The following NPR3 variants were observed in gnomAD, a reference collection of about 807,000 sequenced individuals.
The protein encoded by NPR3 is natriuretic peptide receptor 3.
In NPR3, 34 loss-of-function variants were observed where a neutral mutation model predicts 54.5. The ratio of observed to expected loss-of-function variants is 0.62; its 90% CI spans 0.47 to 0.83. The LOEUF (loss-of-function observed/expected upper bound fraction) is 0.83. Ranked by LOEUF, NPR3 falls within the 40% of genes least tolerant of loss-of-function variation. The probability of loss-of-function intolerance (pLI) is 0.00; values close to 1 mark genes in which losing one functional copy is unlikely to be tolerated. For missense variants in NPR3, 674 were observed against 720.8 expected, an observed-to-expected ratio of 0.94 and a Z score of 0.74; for synonymous variants, 289 against 297.1, an observed-to-expected ratio of 0.97 and a Z score of 0.28.
At chr5:32,729,231 G>A (rs915576448) in intron 2 of NPR3, among the ~76,000 whole-genome samples, 8 of 151,570 alleles carry the variant, frequency 5.3e-5, no homozygotes, top group Non-Finnish European at 7.4e-5. Context: ...GGGTTTCACC[G>A]TTTTAGCCCG....
Position 32,780,765 on chromosome 5 carries a change from T to G in NPR3, c.1239T>G (p.Tyr413Ter). The G allele has an allele frequency of 1.2e-6, 2 of 1,603,392 alleles. No homozygotes were observed. Among genetic ancestry groups the G allele is most frequent in the Non-Finnish European group, 1.7e-6 (2 of 1,170,248 alleles). The change falls in exon 5 of 8, where the codon TAT (tyrosine) becomes TAG (stop). Residue 413 changes from tyrosine to a stop codon, truncating the protein, a stop_gained. Transcript: ENST00000265074. LOFTEE classifies it high-confidence loss of function. ...QVSIDANGDR[Y>*]GDFSVIAMTD... ...CCATAGATGCCAACGGAGACCGATA[T>G]GGGGATTTCTCTGTGATTGCCATGA...
At chr5:32,775,439 C>T (rs139875000) in intron 4 of NPR3, among the ~76,000 whole-genome samples, 14 of 152,028 alleles carry the variant, frequency 9.2e-5, no homozygotes, top group Middle Eastern at 3.4e-3. Flanking sequence ...GGATTACAGG[C>T]GCCTGCCACC....
intron 3 of NPR3, among the ~76,000 whole-genome samples, chr5:32,772,546 T>C (rs1001962565): frequency 2.0e-5 from 3 of 152,208 alleles, no homozygotes; most frequent in African/African-American, 4.8e-5. Flanking sequence ...GAGAACTGTC[T>C]AGGGCACAAA....
intron 7 of NPR3, among the ~76,000 whole-genome samples, chr5:32,785,821 G>A (rs1455109640): frequency 6.6e-6 from 1 of 152,190 alleles, no homozygotes; most frequent in African/African-American, 2.4e-5. Context: ...TTAGAGCAAG[G>A]TTTCTTTATT....
chr5:32,720,854 T>A (rs1319023207), intron 1 of NPR3, among the ~76,000 whole-genome samples: 5 of 152,190 alleles, frequency 3.3e-5, no homozygotes, highest in Non-Finnish European at 5.9e-5. Context: ...TTCTCATACT[T>A]CTTCATATAC....
chr5:32,730,568 G>A (rs1739398204), intron 2 of NPR3, among the ~76,000 whole-genome samples: 2 of 152,154 alleles, frequency 1.3e-5, no homozygotes, highest in South Asian at 4.1e-4. Flanking sequence ...TGTCTATGTA[G>A]AGAATCCCAA....
intron 1 of NPR3, among the ~76,000 whole-genome samples, chr5:32,701,785 T>G: frequency 6.6e-6 from 1 of 152,222 alleles, no homozygotes; most frequent in Non-Finnish European, 1.5e-5. Context: ...ATATAGGTAC[T>G]GCCTTGGTGG....
chr5:32,763,885 C>T (rs557483170), intron 3 of NPR3, among the ~76,000 whole-genome samples: 18 of 152,320 alleles, frequency 1.2e-4, no homozygotes, highest in East Asian at 7.7e-4. Context: ...TACTGACTGA[C>T]GTCCTTGAAC....
At position 32,789,566 on chromosome 5, in the gene NPR3, T is replaced by TCTCCTTTC. The variant is rs771045553; in HGVS notation, c.*3222_*3229dup. 1 of 534,736 alleles carries TCTCCTTTC rather than the reference T, an allele frequency of 1.9e-6. No homozygotes were observed. The highest frequency in any genetic ancestry group is 3.8e-6 in the Non-Finnish European group (1 of 260,080). The allele number at this position is 534,736 out of a possible 1,614,324, so 33.1% of individuals were successfully genotyped here. On this transcript the variant is annotated 3_prime_UTR_variant, in exon 8 of 8. Transcript: ENST00000265074. Reference sequence around the variant, plus strand: ...TGCATGGGAAAAGAACACCTCCTTTTCTCCTTTCTCTTAAATTCAAAGACG... The same window carrying TCTCCTTTC: ...TGCATGGGAAAAGAACACCTCCTTTTCTCCTTTCCTCCTTTCTCTTAAATTCAAAGACG...
At chr5:32,705,956 A>G (rs1214305583), upstream of NPR3, among the ~76,000 whole-genome samples, 1 of 152,234 alleles carries the variant, frequency 6.6e-6, no homozygotes, top group Non-Finnish European at 1.5e-5. Context: ...CAAGTGAAAT[A>G]TCCCAAAGCA....
upstream of NPR3, among the ~76,000 whole-genome samples, chr5:32,708,006 A>C (rs2111827576): frequency 1.3e-5 from 2 of 149,578 alleles, 1 homozygote; most frequent in South Asian, 4.2e-4. Flanking sequence ...TAAAAAAAAA[A>C]AAAAAAAAAA....
chr5:32,748,977 A>T (rs961042849), intron 3 of NPR3, among the ~76,000 whole-genome samples: 2 of 151,716 alleles, frequency 1.3e-5, no homozygotes, highest in African/African-American at 4.8e-5. Context: ...TGAATTTTTA[A>T]TTTTTGCTGT....
rs752242939 is a variant in NPR3, at chr5:32,724,786, C to G, written c.858C>G (p.Phe286Leu). ...GCATGACCAGTGGAGACTACGCCTT[C>G]TTCAACATTGAGCTCTTCAACAGCT... The part of the protein sequence containing the change: ...RHGMTSGDYA[F>L]FNIELFNSSS... Residue 286 changes from phenylalanine (F) to leucine (L), a missense_variant, in exon 2 of 8, where the codon TTC becomes TTG. Transcript: ENST00000265074. 6.2e-7 allele frequency: 1 copy of G among 1,613,846 alleles called. No homozygotes were observed. The highest frequency in any genetic ancestry group is 1.1e-5 in the South Asian group (1 of 91,088).
chr5:32,744,150 G>A (rs1346221573), intron 3 of NPR3, among the ~76,000 whole-genome samples: 1 of 151,866 alleles, frequency 6.6e-6, no homozygotes, highest in African/African-American at 2.4e-5. Context: ...GTGCCGCCAC[G>A]CCTGGCTAAT....
chr5:32,713,275 C>T (rs1324842846), intron 1 of NPR3: 1 of 985,352 alleles, frequency 1.0e-6, no homozygotes, highest in Non-Finnish European at 1.2e-6. Flanking sequence ...GAAACGAGCG[C>T]TGAACCTTCT....
intron 1 of NPR3, among the ~76,000 whole-genome samples, chr5:32,714,287 A>G (rs1173147466): frequency 6.6e-6 from 1 of 152,218 alleles, no homozygotes; most frequent in Non-Finnish European, 1.5e-5. Flanking sequence ...CCTGGGATAC[A>G]AAACCAAGGG....
intron 2 of NPR3, among the ~76,000 whole-genome samples, chr5:32,733,749 TAACAGCTGCTA>T (rs1335780331): frequency 6.6e-6 from 1 of 152,252 alleles, no homozygotes; most frequent in African/African-American, 2.4e-5. Context: ...TCATCAATCA[TAACAGCTGCTA>T]AACAGCTTTT....
chr5:32,715,760 C>T (rs992529123), intron 1 of NPR3, among the ~76,000 whole-genome samples: 1 of 152,116 alleles, frequency 6.6e-6, no homozygotes, highest in Non-Finnish European at 1.5e-5. Flanking sequence ...TGTCGATGCA[C>T]TTTATATGAT....
rs3828587 is a variant in NPR3, at chr5:32,722,873, A to G, written c.770-1825A>G. ...GATTATTTATTCCAAATGTATACCTATACTTTCAGGCAGAAGCAACACCTA... is the reference window on the plus strand; with the variant it reads ...GATTATTTATTCCAAATGTATACCTGTACTTTCAGGCAGAAGCAACACCTA... On this transcript the variant is annotated intron_variant, in intron 1 of 7. Transcript: ENST00000265074. Among the ~76,000 whole-genome samples, 3 of 152,216 alleles carry G rather than the reference A, an allele frequency of 2.0e-5. No homozygotes were observed. The East Asian group carries it at 5.8e-4, about 29-fold the overall frequency.
Sources: allele counts gnomAD v4.1 joint callset (sites outside exome capture counted in the v4.1 genomes callset), GRCh38; gene constraint gnomAD v4.1.1; transcripts MANE v1.5; gene names NCBI Gene and HGNC (gene_info 2026-07-23, HGNC 2026-07-21).